The following ZCWPW2 variants were observed in gnomAD, a reference collection of about 807,000 sequenced individuals.
ZCWPW2 encodes the protein zinc finger CW-type and PWWP domain containing 2.
Under a neutral mutation model 46.6 loss-of-function variants are expected in ZCWPW2, and 45 were observed. The ratio of observed to expected loss-of-function variants is 0.96; its 90% confidence interval spans 0.76 to 1.24. The LOEUF (loss-of-function observed/expected upper bound fraction) is 1.24, where lower values mean the gene tolerates loss of function less well. Ranked by LOEUF, ZCWPW2 falls within the 50% of genes most tolerant of loss-of-function variation. The pLI is 0.00. For missense variants in ZCWPW2, 429 were observed against 403.9 expected, an observed-to-expected ratio of 1.06 and a Z score of -0.53; for synonymous variants, 152 against 137.1, an observed-to-expected ratio of 1.11 and a Z score of -0.76.
chr3:28,444,686 ACT>A (rs1439768295), intron 4 of ZCWPW2, among the ~76,000 whole-genome samples: 1 of 151,952 alleles, frequency 6.6e-6, no homozygotes, highest in Non-Finnish European at 1.5e-5. Flanking sequence ...AGGAGATAAG[ACT>A]CTCACTTAGG....
At chr3:28,452,420 G>A (rs1018557092) in intron 4 of ZCWPW2, among the ~76,000 whole-genome samples, 1 of 152,006 alleles carries the variant, frequency 6.6e-6, no homozygotes, top group Non-Finnish European at 1.5e-5. Flanking sequence ...TTCAGCCTCC[G>A]GAGTAGCAGG....
intron 2 of ZCWPW2, among the ~76,000 whole-genome samples, chr3:28,395,996 A>G (rs1451106527): frequency 6.6e-6 from 1 of 152,164 alleles, no homozygotes; most frequent in African/African-American, 2.4e-5. Flanking sequence ...CATGTTATAT[A>G]CCTTGGTATA....
intron 5 of ZCWPW2, among the ~76,000 whole-genome samples, chr3:28,480,973 C>A (rs1198077470): frequency 6.7e-6 from 1 of 148,902 alleles, no homozygotes; most frequent in East Asian, 2.0e-4. Flanking sequence ...TCAAACAATT[C>A]TCCTGTCTCA....
intron 1 of ZCWPW2, among the ~76,000 whole-genome samples, chr3:28,361,912 G>A (rs1704957853): frequency 6.6e-6 from 1 of 152,036 alleles, no homozygotes; most frequent in African/African-American, 2.4e-5. Flanking sequence ...GCATCCTTGT[G>A]CACTCTTGGT....
chr3:28,444,642 T>A (rs1697914429), intron 4 of ZCWPW2, among the ~76,000 whole-genome samples: 1 of 152,144 alleles, frequency 6.6e-6, no homozygotes, highest in South Asian at 2.1e-4. Flanking sequence ...ACTCGCATGA[T>A]AAGAGCTTTC....
At chr3:28,447,948 C>T in intron 4 of ZCWPW2, 1 of 718,878 alleles carries the variant, frequency 1.4e-6, no homozygotes, top group Non-Finnish European at 2.4e-6. Context: ...AACATGTCAG[C>T]AGGCCCTATG....
In ZCWPW2 at chr3:28,362,622, G is replaced by A. The variant is rs183720509; in HGVS notation, c.-134+13419G>A. ...AAAAGAGAACACTTATATACTGCTG[G>A]TGGGAGTGTAAATTAGTTCAACCAT... On this transcript the variant is annotated intron_variant, in intron 1 of 9. Coordinates refer to ENST00000383768, the MANE Select transcript of ZCWPW2 (RefSeq NM_001040432.4). Among the ~76,000 whole-genome samples the A allele has an allele frequency of 8.6e-4, 131 of 152,300 alleles. 1 individual carries two copies. The highest frequency in any genetic ancestry group is 8.1e-3 in the East Asian group (42 of 5,174).
At chr3:28,424,696 A>G (rs757481790) in intron 3 of ZCWPW2, among the ~76,000 whole-genome samples, 1 of 152,192 alleles carries the variant, frequency 6.6e-6, no homozygotes, top group Non-Finnish European at 1.5e-5. Context: ...TGGTAGCCCT[A>G]GCAAACCAAT....
intron 3 of ZCWPW2, among the ~76,000 whole-genome samples, chr3:28,432,932 T>A (rs1423580700): frequency 6.6e-6 from 1 of 152,182 alleles, no homozygotes; most frequent in Non-Finnish European, 1.5e-5. Context: ...TAGCAATCCT[T>A]ATTGATCAAA....
intron 3 of ZCWPW2, among the ~76,000 whole-genome samples, chr3:28,426,213 A>G (rs962842270): frequency 5.3e-5 from 8 of 152,048 alleles, no homozygotes; most frequent in African/African-American, 1.2e-4. Flanking sequence ...TACCAGAAAG[A>G]TAAAACTCTC....
intron 1 of ZCWPW2, among the ~76,000 whole-genome samples, chr3:28,381,158 T>G (rs1695092124): frequency 6.8e-6 from 1 of 147,030 alleles, no homozygotes; most frequent in African/African-American, 2.5e-5. Context: ...AGTACTTCAT[T>G]TAATAGAAAA....
At chr3:28,369,764 A>T (rs1014103645) in intron 1 of ZCWPW2, among the ~76,000 whole-genome samples, 1 of 152,204 alleles carries the variant, frequency 6.6e-6, no homozygotes, top group Non-Finnish European at 1.5e-5. Flanking sequence ...GGTGGAGTCT[A>T]CAGAGGCAGG....
chr3:28,381,025 G>GTATA (rs66815845), intron 1 of ZCWPW2, among the ~76,000 whole-genome samples: 3 of 7,026 alleles, frequency 4.3e-4, no homozygotes, highest in South Asian at 3.9e-3. Context: ...TATATATTTG[G>GTATA]TATATATATA....
At position 28,525,308 on chromosome 3, in the gene ZCWPW2, TC is replaced by T. The variant is rs1180136862; in HGVS notation, c.*621del. 1.3e-5 allele frequency among the ~76,000 whole-genome samples: 2 copies of T among 152,118 alleles called. No individual in the cohort carries two copies. Among genetic ancestry groups the T allele is most frequent in the East Asian group, 3.8e-4 (2 of 5,200 alleles). ...TGGACCCTTCCCTGCTGAATCAGTG[TC>T]TTTGGAGGTATCATCAGGAAGATGG... On this transcript the variant is annotated 3_prime_UTR_variant, in exon 10 of 10. Coordinates refer to ENST00000383768, the MANE Select transcript of ZCWPW2 (RefSeq NM_001040432.4).
chr3:28,397,288 AATGAACGC>A (rs1264264022), intron 2 of ZCWPW2, among the ~76,000 whole-genome samples: 9 of 152,248 alleles, frequency 5.9e-5, no homozygotes, highest in Non-Finnish European at 1.0e-4. Context: ...CCTTTGTTTT[AATGAACGC>A]AAAAACTATG....
intron 6 of ZCWPW2, among the ~76,000 whole-genome samples, chr3:28,502,950 C>G (rs1379465151): frequency 1.3e-5 from 2 of 152,096 alleles, no homozygotes; most frequent in African/African-American, 4.8e-5. Flanking sequence ...TGTTTTCATC[C>G]TTATTACTAA....
chr3:28,524,920 T>C lies in ZCWPW2; in HGVS notation c.*232T>C, dbSNP rs1030644194. 21 of 236,072 alleles carry C rather than the reference T, an allele frequency of 8.9e-5. No homozygotes were observed. The highest frequency in any genetic ancestry group is 3.8e-4 in the African/African-American group (17 of 44,330). 14.6% of individuals were successfully genotyped at this position (236,072 alleles called of 1,614,324 possible). ...TAAAAAACCCTGATATTTGTATTTA[T>C]ATATTTCTTGTTTGCCTTAATTTTT... On this transcript the variant is annotated 3_prime_UTR_variant, in exon 10 of 10. Transcript: ENST00000383768.
intron 4 of ZCWPW2, among the ~76,000 whole-genome samples, chr3:28,445,652 T>C (rs1697961454): frequency 6.6e-6 from 1 of 152,150 alleles, no homozygotes; most frequent in African/African-American, 2.4e-5. Context: ...CTGTAAGACA[T>C]GTTGAAAACA....
intron 6 of ZCWPW2, among the ~76,000 whole-genome samples, chr3:28,494,543 C>T (rs1217311621): frequency 6.6e-6 from 1 of 151,866 alleles, no homozygotes; most frequent in East Asian, 1.9e-4. Flanking sequence ...TCTCTCACCT[C>T]TCCTATTCAA....
Sources: gnomAD v4.1 joint callset for allele counts (sites outside exome capture counted in the v4.1 genomes callset) on GRCh38, gnomAD v4.1.1 for gene constraint, MANE v1.5 for transcripts, NCBI Gene and HGNC (gene_info 2026-07-23, HGNC 2026-07-21) for gene names.